Variants in NYAP2 observed in about 807,000 individuals in gnomAD.
NYAP2 encodes the protein neuronal tyrosine-phosphorylated phosphoinositide-3-kinase adapter 2.
In NYAP2, 23 loss-of-function variants were observed where a neutral mutation model predicts 50.4. The observed-to-expected ratio is 0.46, with a 90% CI of 0.33 to 0.65. The LOEUF (loss-of-function observed/expected upper bound fraction) is 0.65, where lower values mean the gene tolerates loss of function less well. Among genes scored for constraint, NYAP2 ranks in the 30% least tolerant of loss-of-function variants. The pLI is 0.02. For synonymous variants in NYAP2, 394 were observed against 365.2 expected (o/e 1.08, Z -0.90); for missense variants, 885 against 861.0 (o/e 1.03, Z -0.35).
chr2:225,573,776 G>A (rs1692120128), intron 4 of NYAP2, among the ~76,000 whole-genome samples: 2 of 152,152 alleles, frequency 1.3e-5, no homozygotes, highest in Admixed American at 1.3e-4. Flanking sequence ...GTTGGTCTAA[G>A]AGGTCTTTCA....
intron 4 of NYAP2, among the ~76,000 whole-genome samples, chr2:225,546,734 T>A (rs1453836754): frequency 6.6e-6 from 1 of 152,038 alleles, no homozygotes; most frequent in Non-Finnish European, 1.5e-5. Context: ...TTTACTTTTC[T>A]GTCTGGTTTT....
At chr2:225,421,101 G>A (rs572806533) in intron 3 of NYAP2, among the ~76,000 whole-genome samples, 1 of 151,680 alleles carries the variant, frequency 6.6e-6, no homozygotes, top group Non-Finnish European at 1.5e-5. Flanking sequence ...GGTAGAGAAG[G>A]GATCTCACTA....
chr2:225,420,563 C>CT (rs1695197785), intron 3 of NYAP2, among the ~76,000 whole-genome samples: 1 of 151,674 alleles, frequency 6.6e-6, no homozygotes, highest in Non-Finnish European at 1.5e-5. Flanking sequence ...CCGATAGCTG[C>CT]TTTTTGCACA....
chr2:225,587,725 G>C (rs924051575), intron 5 of NYAP2, among the ~76,000 whole-genome samples: 6 of 151,896 alleles, frequency 4.0e-5, no homozygotes, highest in Non-Finnish European at 7.4e-5. Flanking sequence ...AGGGCAGAAG[G>C]CATGGGGCAT....
At chr2:225,535,904 T>A (rs1032200174) in intron 4 of NYAP2, among the ~76,000 whole-genome samples, 20 of 152,204 alleles carry the variant, frequency 1.3e-4, no homozygotes, top group Non-Finnish European at 2.9e-4. Context: ...CTAGAATATG[T>A]GTGTCTTATC....
intron 3 of NYAP2, among the ~76,000 whole-genome samples, chr2:225,468,315 T>C (rs576904168): frequency 6.6e-6 from 1 of 151,978 alleles, no homozygotes; most frequent in East Asian, 1.9e-4. Context: ...GAATGATGTG[T>C]TGATAAGCCC....
intron 6 of NYAP2, among the ~76,000 whole-genome samples, chr2:225,642,196 C>T (rs375191120): frequency 6.9e-4 from 105 of 152,052 alleles, no homozygotes; most frequent in Non-Finnish European, 1.3e-3. Context: ...TAGGATAAAC[C>T]GGGGCAGTGT....
chr2:225,643,527 C>G (rs139655508), intron 6 of NYAP2, among the ~76,000 whole-genome samples: 1,657 of 151,752 alleles, frequency 0.011, 24 homozygotes, highest in African/African-American at 0.036. Flanking sequence ...ATATGCCATG[C>G]TGGTGCGCTG....
At chr2:225,530,371 C>T (rs1352443573) in intron 4 of NYAP2, among the ~76,000 whole-genome samples, 1 of 152,166 alleles carries the variant, frequency 6.6e-6, no homozygotes, top group East Asian at 1.9e-4. Flanking sequence ...CCAAAATCCA[C>T]TGCTCTCTGA....
chr2:225,680,498 C>G, the NYAP2 span, among the ~76,000 whole-genome samples: 1 of 151,956 alleles, frequency 6.6e-6, no homozygotes, highest in East Asian at 1.9e-4. Flanking sequence ...TCAAGAAATT[C>G]TTTTTTAAAA....
chr2:225,510,109 T>C (rs995741460), intron 3 of NYAP2, among the ~76,000 whole-genome samples: 1 of 152,306 alleles, frequency 6.6e-6, no homozygotes, highest in Non-Finnish European at 1.5e-5. Flanking sequence ...GAAGAATATA[T>C]GTGAAACAGA....
the NYAP2 span, among the ~76,000 whole-genome samples, chr2:225,680,244 A>G: frequency 1.3e-5 from 2 of 152,230 alleles, no homozygotes; most frequent in African/African-American, 4.8e-5. Context: ...CTAAGCAAGG[A>G]TATCTCTGGC....
At chr2:225,627,408 C>T (rs545509724) in intron 6 of NYAP2, among the ~76,000 whole-genome samples, 1 of 152,244 alleles carries the variant, frequency 6.6e-6, no homozygotes, top group East Asian at 1.9e-4. Flanking sequence ...TAAATTTCTT[C>T]AAAAATATCT....
At chr2:225,657,102 C>CT (rs375126014), downstream of NYAP2, among the ~76,000 whole-genome samples, 3,181 of 100,960 alleles carry the variant, frequency 0.032, 47 homozygotes, top group Non-Finnish European at 0.036. Flanking sequence ...AATCTAATTC[C>CT]TTTTTTTTTT....
intron 4 of NYAP2, among the ~76,000 whole-genome samples, chr2:225,563,987 C>CT (rs1691918485): frequency 2.0e-5 from 3 of 152,082 alleles, no homozygotes; most frequent in Admixed American, 6.6e-5. Flanking sequence ...TGTCTCTCTC[C>CT]TTTCTTATAG....
chr2:225,547,421 T>C (rs73089023), intron 4 of NYAP2, among the ~76,000 whole-genome samples: 4,186 of 152,328 alleles, frequency 0.027, 183 homozygotes, highest in African/African-American at 0.094. Flanking sequence ...GACTACACTG[T>C]CTTTCAAGTT....
chr2:225,569,748 T>C (rs534786129), intron 4 of NYAP2, among the ~76,000 whole-genome samples: 1 of 152,338 alleles, frequency 6.6e-6, no homozygotes, highest in Non-Finnish European at 1.5e-5. Flanking sequence ...AAGATCATGA[T>C]AGGATTGGAA....
Position 225,582,143 on chromosome 2 carries a change from G to C in NYAP2, c.726G>C (p.Glu242Asp). 1 of 1,613,996 alleles carries C rather than the reference G, an allele frequency of 6.2e-7. No individual in the cohort carries two copies. Among genetic ancestry groups the C allele is most frequent in the Non-Finnish European group, 8.5e-7 (1 of 1,179,834 alleles). ...CCGCGGGAGACCCCGAGGAAGAGGAGCCCGTGTACATCGAGATGGTGGGGA... is the reference window on the plus strand; with the variant it reads ...CCGCGGGAGACCCCGAGGAAGAGGACCCCGTGTACATCGAGATGGTGGGGA... Residue 242 changes from glutamate (E) to aspartate (D), a missense_variant, in exon 5 of 7, where the codon GAG becomes GAC. By Grantham distance (45) the Glu-to-Asp change is conservative. Coordinates refer to ENST00000636099, the Ensembl canonical transcript of NYAP2. This position sits in a 1 kb window ranked among gnomAD's most constrained non-coding sequence, Gnocchi z 7.0.
chr2:225,404,806 T>G (rs1234401051), intron 2 of NYAP2, among the ~76,000 whole-genome samples: 1 of 151,976 alleles, frequency 6.6e-6, no homozygotes, highest in Admixed American at 6.6e-5. Flanking sequence ...ATCTAAAAAC[T>G]TAAACAAAAA....
Sources: gnomAD v4.1 joint callset for allele counts (sites outside exome capture counted in the v4.1 genomes callset) on GRCh38, gnomAD v4.1.1 for gene constraint, Gnocchi (gnomAD v3.1) non-coding constraint, MANE v1.5 for transcripts, NCBI Gene and HGNC (gene_info 2026-07-23, HGNC 2026-07-21) for gene names.